The following TMIE variants were observed in gnomAD, a reference collection of about 807,000 sequenced individuals.
TMIE encodes transmembrane inner ear, also known as transmembrane inner ear expressed protein.
A neutral mutation model predicts 16.8 loss-of-function variants in TMIE; 14 were observed. The ratio of observed to expected loss-of-function variants is 0.83; its 90% CI spans 0.55 to 1.30. TMIE has a LOEUF of 1.30. Ranked by LOEUF, TMIE falls within the 50% of genes most tolerant of loss-of-function variation. TMIE has a pLI of 0.00. For synonymous variants in TMIE, 75 were observed against 87.2 expected (o/e 0.86, Z 0.78); for missense variants, 204 against 205.9 (o/e 0.99, Z 0.06).
upstream of TMIE, among the ~76,000 whole-genome samples, chr3:46,698,839 T>C (rs1336020531): frequency 2.0e-5 from 3 of 148,766 alleles, no homozygotes; most frequent in African/African-American, 7.7e-5. Context: ...CTTTTCTTTT[T>C]TTATTTTTTA....
chr3:46,703,948 G>T (rs1223190416), intron 1 of TMIE, among the ~76,000 whole-genome samples: 2 of 152,138 alleles, frequency 1.3e-5, no homozygotes, highest in Non-Finnish European at 2.9e-5. Flanking sequence ...ATGCCCCAGG[G>T]TTCTCTCTCC....
intron 2 of TMIE, 126 bp from the exon 3 acceptor site, chr3:46,709,000 C>A: frequency 7.8e-7 from 1 of 1,281,270 alleles, no homozygotes; most frequent in Non-Finnish European, 1.1e-6. Flanking sequence ...GATGCTGAGC[C>A]TCCTGCCAGG....
chr3:46,706,935 C>A (rs1044006966), intron 2 of TMIE, among the ~76,000 whole-genome samples: 6 of 152,208 alleles, frequency 3.9e-5, no homozygotes, highest in Non-Finnish European at 7.3e-5. Context: ...AGAGAGCCCA[C>A]CCAGATGTGA....
chr3:46,709,516 G>A, intron 3 of TMIE, 63 bp from the exon 4 acceptor site: 1 of 1,613,774 alleles, frequency 6.2e-7, no homozygotes, highest in South Asian at 1.1e-5. Context: ...TTCCCCTCAG[G>A]ACAGTCAGAC....
upstream of TMIE, among the ~76,000 whole-genome samples, chr3:46,700,874 C>CCCT (rs373494710): frequency 1.7e-3 from 254 of 152,224 alleles, 1 homozygote; most frequent in African/African-American, 5.9e-3. Flanking sequence ...TCTTCTGGAA[C>CCCT]CCTCCATAAC....
upstream of TMIE, chr3:46,701,348 T>C: frequency 4.8e-6 from 3 of 623,056 alleles, no homozygotes; most frequent in Admixed American, 4.3e-5. This position sits in a 1 kb window ranked among gnomAD's most constrained non-coding sequence, Gnocchi z 4.3. Context: ...CGCGGGAACC[T>C]GACACCGAGG....
chr3:46,709,042 G>A, intron 2 of TMIE, 84 bp from the exon 3 acceptor site: 1 of 1,573,408 alleles, frequency 6.4e-7, no homozygotes, highest in Non-Finnish European at 8.7e-7. Flanking sequence ...TGGGTGGATG[G>A]GGGCGGGCCT....
At chr3:46,694,821 C>T (rs1057353532) in intron 1 of TMIE, among the ~76,000 whole-genome samples, 9 of 152,176 alleles carry the variant, frequency 5.9e-5, no homozygotes, top group Non-Finnish European at 1.3e-4. Context: ...CCTGCAGAGC[C>T]GCCCCTTCCT....
intron 1 of TMIE, among the ~76,000 whole-genome samples, chr3:46,702,307 G>C (rs1700486638): frequency 6.6e-6 from 1 of 152,154 alleles, no homozygotes; most frequent in African/African-American, 2.4e-5. Flanking sequence ...TTGGGAGCAG[G>C]CACACAGTGG....
At chr3:46,702,901 C>T (rs1404266211) in intron 1 of TMIE, among the ~76,000 whole-genome samples, 3 of 152,074 alleles carry the variant, frequency 2.0e-5, no homozygotes, top group African/African-American at 4.8e-5. Context: ...TCACAGGCTG[C>T]CCTGAGGCCT....
At chr3:46,699,874 A>G (rs562381700), upstream of TMIE, among the ~76,000 whole-genome samples, 71 of 152,288 alleles carry the variant, frequency 4.7e-4, no homozygotes, top group African/African-American at 1.5e-3. Context: ...CCTCACATCA[A>G]TCATGGGAGT....
chr3:46,697,150 A>G (rs1017170855), upstream of TMIE, among the ~76,000 whole-genome samples: 1 of 151,992 alleles, frequency 6.6e-6, no homozygotes, highest in African/African-American at 2.4e-5. Context: ...GGTGTTAGGT[A>G]TTGATTTTCA....
Position 46,709,749 on chromosome 3 carries a change from G to A in TMIE, c.*61G>A. 1.2e-6 allele frequency: 2 copies of A among 1,607,302 alleles called. No homozygotes were observed. Among genetic ancestry groups the A allele is most frequent in the Admixed American group, 1.7e-5 (1 of 58,666 alleles). On this transcript the variant is annotated 3_prime_UTR_variant, in exon 4 of 4. Transcript: ENST00000643606. ...AGCTCAAGCCGTGGCCGGGGTCCAG[G>A]CATGTTGGACTCTGAGCTCATTTGG...
At chr3:46,695,854 C>T (rs1426903324) in intron 1 of TMIE, among the ~76,000 whole-genome samples, 2 of 152,204 alleles carry the variant, frequency 1.3e-5, no homozygotes, top group Non-Finnish European at 2.9e-5. Flanking sequence ...ACCAGTCCTT[C>T]CCCCATTCCC....
rs1379912065 is a variant in TMIE, at chr3:46,701,502, G to A, written c.15G>A (p.Pro5=). The change falls in exon 1 of 4, where the codon CCG becomes CCA. Residue 5 remains proline, a synonymous_variant. Coordinates refer to ENST00000643606, the MANE Select transcript of TMIE (RefSeq NM_147196.3). This position sits in a 1 kb window ranked among gnomAD's most constrained non-coding sequence, Gnocchi z 4.3. ...GTGGCACGAAGATGGCGGGGTGGCCGGGCGCGGGTCCCCTCTGCGTGCTGG... is the reference window on the plus strand; with the variant it reads ...GTGGCACGAAGATGGCGGGGTGGCCAGGCGCGGGTCCCCTCTGCGTGCTGG... MAGW[P]GAGPLCVLGG... 7.4e-7 allele frequency: 1 copy of A among 1,343,494 alleles called. No homozygotes were observed. The highest frequency in any genetic ancestry group is 9.5e-7 in the Non-Finnish European group (1 of 1,051,428). The allele number at this position is 1,343,494 out of a possible 1,614,324, so 83.2% of individuals were successfully genotyped here. A position where few individuals can be genotyped will look rare whatever the true frequency, so the allele number is the denominator to read the frequency against.
intron 1 of TMIE, among the ~76,000 whole-genome samples, chr3:46,694,774 C>G (rs943887551): frequency 1.3e-5 from 2 of 152,152 alleles, no homozygotes; most frequent in Admixed American, 6.5e-5. Context: ...GTGACCTCAC[C>G]CTTTTGCCCC....
intron 1 of TMIE, among the ~76,000 whole-genome samples, chr3:46,702,349 G>A (rs781079152): frequency 3.3e-5 from 5 of 152,200 alleles, no homozygotes; most frequent in Non-Finnish European, 5.9e-5. Context: ...AGATAGCACA[G>A]AAGCTGGGGG....
At chr3:46,704,990 G>T (rs929385687) in intron 1 of TMIE, among the ~76,000 whole-genome samples, 5 of 152,164 alleles carry the variant, frequency 3.3e-5, no homozygotes. Context: ...TCAGACCTGG[G>T]GCTGGGCCAT....
chr3:46,693,894 C>A (rs1700328352), upstream of TMIE, among the ~76,000 whole-genome samples: 1 of 152,048 alleles, frequency 6.6e-6, no homozygotes, highest in Non-Finnish European at 1.5e-5. Flanking sequence ...CCCCGGGATC[C>A]GGAGGCCCCT....
Sources: allele counts gnomAD v4.1 joint callset (sites outside exome capture counted in the v4.1 genomes callset), GRCh38; gene constraint gnomAD v4.1.1; non-coding constraint Gnocchi (gnomAD v3.1); transcripts MANE v1.5; gene names NCBI Gene and HGNC (gene_info 2026-07-23, HGNC 2026-07-21).